FILIP1: variants seen among roughly 807,000 people sequenced by gnomAD.
The protein encoded by FILIP1 is filamin A interacting protein 1.
A neutral mutation model predicts 102.1 loss-of-function variants in FILIP1; 61 were observed. The ratio of observed to expected loss-of-function variants is 0.60; its 90% CI spans 0.49 to 0.74. The LOEUF (loss-of-function observed/expected upper bound fraction) is 0.74. Ranked by LOEUF, FILIP1 falls within the 30% of genes least tolerant of loss-of-function variation. FILIP1 has a pLI of 0.00. For missense variants in FILIP1, 1,314 were observed against 1,441.2 expected (o/e 0.91, Z 1.43); for synonymous variants, 491 against 526.9 (o/e 0.93, Z 0.93).
intron 2 of FILIP1, among the ~76,000 whole-genome samples, chr6:75,411,533 G>A (rs1777070314): frequency 1.3e-5 from 2 of 152,168 alleles, no homozygotes; most frequent in African/African-American, 2.4e-5. Flanking sequence ...TTTTCTTCTA[G>A]GGCTTTTATG....
At chr6:75,325,768 G>A (rs1167898244) in intron 4 of FILIP1, among the ~76,000 whole-genome samples, 1 of 152,142 alleles carries the variant, frequency 6.6e-6, no homozygotes, top group Admixed American at 6.5e-5. Flanking sequence ...GTGGTGAAAA[G>A]GGATCACATC....
intron 1 of FILIP1, among the ~76,000 whole-genome samples, chr6:75,479,868 CAA>C (rs58566488): frequency 2.1e-4 from 9 of 42,866 alleles, no homozygotes; most frequent in African/African-American, 7.8e-4. Context: ...AGCTGTATCT[CAA>C]AAAAAAAAAA....
chr6:75,442,242 C>T (rs1328820563), intron 1 of FILIP1, among the ~76,000 whole-genome samples: 1 of 151,670 alleles, frequency 6.6e-6, no homozygotes, highest in African/African-American at 2.4e-5. Context: ...GGATGGTGGC[C>T]GGGCAGAGAC....
chr6:75,319,868 T>C lies in FILIP1; in HGVS notation c.630-4666A>G, dbSNP rs530982273. The stretch of plus-strand genomic sequence containing the variant: ...GAAAAGAAAAGAAAACTCTGAGAAG[T>C]TGACTGAAGCACCTGGGTGCTTCTT... On this transcript the variant is annotated intron_variant, in intron 4 of 5. Transcript: ENST00000237172. 4.0e-4 allele frequency: 183 copies of C among 452,414 alleles called. 1 individual carries two copies. Among genetic ancestry groups the C allele is most frequent in the South Asian group, 3.1e-3 (119 of 38,822 alleles). 28.0% of individuals were successfully genotyped at this position (452,414 alleles called of 1,614,324 possible).
At chr6:75,436,943 G>A (rs1169283463) in intron 1 of FILIP1, among the ~76,000 whole-genome samples, 1 of 152,184 alleles carries the variant, frequency 6.6e-6, no homozygotes, top group Non-Finnish European at 1.5e-5. Flanking sequence ...GCAGAGTTGA[G>A]AAGAGATGAG....
At chr6:75,350,645 C>T (rs1249359030) in intron 4 of FILIP1, among the ~76,000 whole-genome samples, 1 of 151,966 alleles carries the variant, frequency 6.6e-6, no homozygotes, top group Non-Finnish European at 1.5e-5. Context: ...ATTACTCTCA[C>T]AGAACACAAA....
intron 3 of FILIP1, among the ~76,000 whole-genome samples, chr6:75,361,314 A>G (rs995065528): frequency 1.3e-5 from 2 of 152,168 alleles, no homozygotes; most frequent in Admixed American, 1.3e-4. Flanking sequence ...GGAGGCAGTA[A>G]TCCTGGGTAA....
In FILIP1 at chr6:75,311,478, A is replaced by AGTTTGTTT. The variant is rs575376242; in HGVS notation, c.3435+911_3435+918dup. ...TAATCATTCATTTAGCCTTCCAGCT[A>AGTTTGTTT]GTTTGTTTGTTTGTTTGTTTGTTTG... On this transcript the variant is annotated intron_variant, in intron 5 of 5. Coordinates refer to ENST00000237172, the MANE Select transcript of FILIP1 (RefSeq NM_015687.5). Among the ~76,000 whole-genome samples, 4 of 149,742 alleles carry AGTTTGTTT rather than the reference A, an allele frequency of 2.7e-5. 1 individual carries two copies. In the South Asian group the frequency reaches 8.4e-4, roughly 31 times the overall value.
chr6:75,442,676 G>C lies in FILIP1; in HGVS notation c.-6-27698C>G, dbSNP rs1357528944. Among the ~76,000 whole-genome samples, 8 of 152,348 alleles carry C rather than the reference G, an allele frequency of 5.3e-5. No individual in the cohort carries two copies. In the East Asian group the frequency reaches 5.8e-4, roughly 11 times the overall value. On this transcript the variant is annotated intron_variant, in intron 1 of 5. Transcript: ENST00000237172. ...GGCTGAGGCAGGAGAATCAGGCAGGGAGGTTGCAGTGAGCCGAGATGGCAG... is the reference window on the plus strand; with the variant it reads ...GGCTGAGGCAGGAGAATCAGGCAGGCAGGTTGCAGTGAGCCGAGATGGCAG...
At chr6:75,353,753 T>C (rs1387996887) in intron 3 of FILIP1, 36 bp from the exon 4 acceptor site, 1 of 1,600,996 alleles carries the variant, frequency 6.2e-7, no homozygotes, top group South Asian at 1.1e-5. Flanking sequence ...CTTAATATTT[T>C]ATTGCATTTG....
chr6:75,370,131 C>A (rs1444016445), intron 2 of FILIP1, among the ~76,000 whole-genome samples: 2 of 152,210 alleles, frequency 1.3e-5, no homozygotes, highest in Non-Finnish European at 1.5e-5. Flanking sequence ...TTAAATATGA[C>A]CCCATTGCTG....
At chr6:75,392,982 C>G (rs1231946798) in intron 2 of FILIP1, among the ~76,000 whole-genome samples, 1 of 152,156 alleles carries the variant, frequency 6.6e-6, no homozygotes, top group African/African-American at 2.4e-5. Flanking sequence ...GTAAATTGTC[C>G]AGTCTCAGGT....
intron 1 of FILIP1, among the ~76,000 whole-genome samples, chr6:75,477,327 G>C (rs1182877234): frequency 6.6e-6 from 1 of 152,034 alleles, no homozygotes; most frequent in African/African-American, 2.4e-5. Flanking sequence ...AGAATTTCAG[G>C]TAGACAGGAA....
At chr6:75,397,782 A>T (rs1011735496) in intron 2 of FILIP1, among the ~76,000 whole-genome samples, 17 of 152,054 alleles carry the variant, frequency 1.1e-4, no homozygotes, top group Non-Finnish European at 2.1e-4. Context: ...GAACATGCAA[A>T]ATCTTGGTTT....
Position 75,314,862 on chromosome 6 carries a change from G to A in FILIP1, c.970C>T (p.Gln324Ter), listed in dbSNP as rs760900476. 1.9e-6 allele frequency: 3 copies of A among 1,613,950 alleles called. No homozygotes were observed. Among genetic ancestry groups the A allele is most frequent in the Non-Finnish European group, 2.5e-6 (3 of 1,180,034 alleles). The stretch of plus-strand genomic sequence containing the variant: ...CTAAGTTGCCTATTGTGAGACTCTT[G>A]ATTAGCCAGTTTAGCGTTCATCTCT... ...HEEMNAKLAN[Q>*]ESHNRQLRLK... Residue 324 changes from glutamine to a stop codon, truncating the protein, a stop_gained, in exon 5 of 6, where the codon CAA becomes TAA. Transcript: ENST00000237172. LOFTEE classifies it high-confidence loss of function.
chr6:75,465,215 A>G, intron 1 of FILIP1: 1 of 210,948 alleles, frequency 4.7e-6, no homozygotes, highest in South Asian at 7.5e-5. Flanking sequence ...AAGGAGCAGG[A>G]GATGGCACAG....
chr6:75,475,948 A>G (rs1184102087), intron 1 of FILIP1, among the ~76,000 whole-genome samples: 2 of 152,290 alleles, frequency 1.3e-5, no homozygotes, highest in African/African-American at 4.8e-5. Flanking sequence ...AGTTACATTA[A>G]AAGTAACATT....
intron 1 of FILIP1, among the ~76,000 whole-genome samples, chr6:75,472,076 G>T (rs1309253504): frequency 6.6e-6 from 1 of 152,070 alleles, no homozygotes; most frequent in African/African-American, 2.4e-5. Flanking sequence ...CAAGCAATTT[G>T]CTTTAAACTG....
intron 1 of FILIP1, among the ~76,000 whole-genome samples, chr6:75,479,251 T>A (rs1779578260): frequency 6.6e-6 from 1 of 152,292 alleles, no homozygotes; most frequent in Admixed American, 6.5e-5. Context: ...AAGCACTGCA[T>A]GTGTTTAGAT....
Sources: gnomAD v4.1 joint callset for allele counts (sites outside exome capture counted in the v4.1 genomes callset) on GRCh38, gnomAD v4.1.1 for gene constraint, MANE v1.5 for transcripts, NCBI Gene and HGNC (gene_info 2026-07-23, HGNC 2026-07-21) for gene names.